The following C8orf34 variants were observed in gnomAD, a reference collection of about 807,000 sequenced individuals.
C8orf34 encodes the protein uncharacterized protein C8orf34.
In C8orf34, 65 loss-of-function variants were observed where a neutral mutation model predicts 68.3. The ratio of observed to expected loss-of-function variants is 0.95; its 90% CI spans 0.78 to 1.17. The LOEUF is 1.17. Among genes scored for constraint, C8orf34 ranks in the 50% most tolerant of loss-of-function variants. The pLI is 0.00. For missense variants in C8orf34, 664 were observed against 655.4 expected, an observed-to-expected ratio of 1.01 and a Z score of -0.14; for synonymous variants, 244 against 241.2, an observed-to-expected ratio of 1.01 and a Z score of -0.11.
At chr8:68,448,426 A>C (rs185741440) in intron 3 of C8orf34, among the ~76,000 whole-genome samples, 50 of 152,338 alleles carry the variant, frequency 3.3e-4, no homozygotes, top group African/African-American at 1.2e-3. Flanking sequence ...TTCTTTGGAA[A>C]TACTTGTTAA....
intron 4 of C8orf34, among the ~76,000 whole-genome samples, chr8:68,485,724 AAAATAAATAAAT>A (rs1554561963): frequency 1.4e-5 from 2 of 147,286 alleles, no homozygotes; most frequent in African/African-American, 5.0e-5. Flanking sequence ...AAAAAAATAA[AAAATAAATAAAT>A]AAATAAATAA....
chr8:68,748,953 C>T (rs1445603477), intron 10 of C8orf34, among the ~76,000 whole-genome samples: 11 of 152,050 alleles, frequency 7.2e-5, no homozygotes, highest in African/African-American at 2.7e-4. Context: ...TTTATTGCGG[C>T]ATTATTCACA....
chr8:68,614,007 T>C (rs1405463589), intron 7 of C8orf34, among the ~76,000 whole-genome samples: 1 of 152,230 alleles, frequency 6.6e-6, no homozygotes, highest in Non-Finnish European at 1.5e-5. Context: ...TGGTATGTCA[T>C]TGAGGTTTTG....
At chr8:68,468,554 T>C in intron 3 of C8orf34, 138 bp from the exon 4 acceptor site, 1 of 777,906 alleles carries the variant, frequency 1.3e-6, no homozygotes. Flanking sequence ...CTCTTTTTTC[T>C]CACAAGCAAA....
At chr8:68,523,226 C>T (rs576417524) in intron 6 of C8orf34, among the ~76,000 whole-genome samples, 2 of 152,234 alleles carry the variant, frequency 1.3e-5, no homozygotes, top group East Asian at 3.9e-4. Context: ...TAATACCAGG[C>T]TTATAAAACC....
intron 3 of C8orf34, 147 bp downstream of exon 3, chr8:68,446,607 T>C: frequency 2.7e-6 from 2 of 734,920 alleles, no homozygotes; most frequent in Non-Finnish European, 4.3e-6. Context: ...ACTCCGCATT[T>C]ACATTGATCT....
At chr8:68,618,585 GTGAAACTCCTGGGCTCAA>G (rs1176221281) in intron 7 of C8orf34, among the ~76,000 whole-genome samples, 53 of 79,684 alleles carry the variant, frequency 6.7e-4, no homozygotes, top group Admixed American at 1.3e-3. Flanking sequence ...CTGGGCTCAA[GTGAAACTCCTGGGCTCAA>G]GTAATCCTCC....
chr8:68,567,785 G>T (rs1816640978), intron 7 of C8orf34, among the ~76,000 whole-genome samples: 1 of 149,024 alleles, frequency 6.7e-6, no homozygotes, highest in South Asian at 2.1e-4. Context: ...TTGGTTATTT[G>T]CTTTCTTCTG....
At chr8:68,652,680 T>C (rs1408613209) in intron 8 of C8orf34, among the ~76,000 whole-genome samples, 1 of 152,222 alleles carries the variant, frequency 6.6e-6, no homozygotes, top group Non-Finnish European at 1.5e-5. Flanking sequence ...TCCTTCCACC[T>C]TGAATTGTCT....
At chr8:68,702,414 G>A (rs555610830) in intron 8 of C8orf34, among the ~76,000 whole-genome samples, 1 of 152,088 alleles carries the variant, frequency 6.6e-6, no homozygotes, top group Non-Finnish European at 1.5e-5. Flanking sequence ...TGTTTGATTT[G>A]CAAGACTGCA....
At chr8:68,549,629 A>G (rs1328584566) in intron 7 of C8orf34, among the ~76,000 whole-genome samples, 5 of 151,788 alleles carry the variant, frequency 3.3e-5, no homozygotes, top group African/African-American at 9.7e-5. Flanking sequence ...CATCATGAGA[A>G]TATCTGAGGA....
At position 68,550,452 on chromosome 8, in the gene C8orf34, T is replaced by C. The variant is rs116138202; in HGVS notation, c.1105+17303T>C. Among the ~76,000 whole-genome samples, 757 of 151,982 alleles carry C rather than the reference T, an allele frequency of 5.0e-3. 6 individuals are homozygous for C. Among genetic ancestry groups the C allele is most frequent in the African/African-American group, 0.018 (730 of 41,538 alleles). ...TCATATATACATATGCATACACACA[T>C]GTGTAATTTAATACATTGTTGCTAT... On this transcript the variant is annotated intron_variant, in intron 7 of 13. Transcript: ENST00000518698.
chr8:68,580,151 C>G (rs1052165070), intron 7 of C8orf34, among the ~76,000 whole-genome samples: 1 of 152,104 alleles, frequency 6.6e-6, no homozygotes, highest in Non-Finnish European at 1.5e-5. Context: ...TTCGCAGAAC[C>G]ATAAAGATGA....
intron 8 of C8orf34, among the ~76,000 whole-genome samples, chr8:68,677,893 A>G (rs1820242138): frequency 6.6e-6 from 1 of 152,202 alleles, no homozygotes; most frequent in African/African-American, 2.4e-5. Context: ...CAGAGATGAA[A>G]AAGGAGACAT....
At chr8:68,782,292 A>G (rs1046004092) in intron 11 of C8orf34, among the ~76,000 whole-genome samples, 7 of 152,024 alleles carry the variant, frequency 4.6e-5, no homozygotes, top group Non-Finnish European at 8.8e-5. Context: ...TAAATCTACA[A>G]TTTTTTACAT....
intron 10 of C8orf34, among the ~76,000 whole-genome samples, chr8:68,722,233 C>T (rs1315626146): frequency 5.3e-5 from 8 of 152,024 alleles, no homozygotes; most frequent in African/African-American, 1.9e-4. Context: ...TCCCTTTGTA[C>T]ATGTCTATGT....
At chr8:68,559,549 G>A (rs1167422619) in intron 7 of C8orf34, among the ~76,000 whole-genome samples, 3 of 152,042 alleles carry the variant, frequency 2.0e-5, no homozygotes, top group African/African-American at 7.2e-5. Flanking sequence ...TTGAGAAATG[G>A]CACATGAGTC....
intron 7 of C8orf34, among the ~76,000 whole-genome samples, chr8:68,576,865 AT>A (rs1361711960): frequency 6.6e-6 from 1 of 152,074 alleles, no homozygotes; most frequent in East Asian, 1.9e-4. Context: ...TTAATATAAA[AT>A]AGCATATTGA....
At chr8:68,507,046 T>C (rs868669800) in intron 5 of C8orf34, among the ~76,000 whole-genome samples, 1 of 152,218 alleles carries the variant, frequency 6.6e-6, no homozygotes, top group African/African-American at 2.4e-5. Context: ...TAGACTGTTA[T>C]GGGAGAATTG....
Sources: allele counts gnomAD v4.1 joint callset (sites outside exome capture counted in the v4.1 genomes callset), GRCh38; gene constraint gnomAD v4.1.1; transcripts MANE v1.5; gene names NCBI Gene and HGNC (gene_info 2026-07-23, HGNC 2026-07-21).